The following ATP8A2 variants were observed in gnomAD, a reference collection of about 807,000 sequenced individuals.
ATP8A2 encodes the protein phospholipid-transporting ATPase IB.
ATP8A2 carries 100 observed loss-of-function variants against 165.6 expected under a neutral mutation model. The observed-to-expected ratio is 0.60, with a 90% CI of 0.51 to 0.71. The LOEUF is 0.71. Ranked by LOEUF, ATP8A2 falls within the 30% of genes least tolerant of loss-of-function variation. ATP8A2 has a pLI of 0.00. For synonymous variants in ATP8A2, 543 were observed against 548.8 expected (o/e 0.99, Z 0.15); for missense variants, 1,227 against 1,479.5 (o/e 0.83, Z 2.80).
chr13:25,733,614 C>T (rs2138103278), intron 25 of ATP8A2, among the ~76,000 whole-genome samples: 2 of 152,332 alleles, frequency 1.3e-5, no homozygotes, highest in Admixed American at 1.3e-4. Context: ...TTCTGCTCTT[C>T]ATGCTTTGTC....
chr13:25,643,207 T>C (rs1460151077), intron 24 of ATP8A2, among the ~76,000 whole-genome samples: 2 of 152,142 alleles, frequency 1.3e-5, no homozygotes, highest in Admixed American at 6.6e-5. Context: ...GAACTTAAAG[T>C]GTAATAATAA....
intron 22 of ATP8A2, 150 bp from the exon 23 acceptor site, chr13:25,581,669 C>T: frequency 1.3e-6 from 1 of 755,264 alleles, no homozygotes; most frequent in Non-Finnish European, 2.2e-6. Flanking sequence ...AAATGCCATC[C>T]ATCCAGATGC....
At chr13:25,519,140 CG>C (rs1474130649) in intron 2 of ATP8A2, among the ~76,000 whole-genome samples, 1 of 152,306 alleles carries the variant, frequency 6.6e-6, no homozygotes, top group East Asian at 1.9e-4. Context: ...TTTCTGCACT[CG>C]CTGTCCCCTC....
At chr13:25,397,649 G>A (rs1380902663) in intron 1 of ATP8A2, among the ~76,000 whole-genome samples, 1 of 152,188 alleles carries the variant, frequency 6.6e-6, no homozygotes, top group Non-Finnish European at 1.5e-5. Flanking sequence ...TAAAATATTT[G>A]AAAAGGTTTA....
At chr13:25,589,755 T>A in intron 24 of ATP8A2, 56 bp downstream of exon 24, 1 of 1,080,792 alleles carries the variant, frequency 9.3e-7, no homozygotes, top group Non-Finnish European at 1.4e-6. Context: ...AAACTCTTTC[T>A]TTCTACTATC....
chr13:25,775,759 T>C (rs1322817597), intron 27 of ATP8A2, among the ~76,000 whole-genome samples: 1 of 152,232 alleles, frequency 6.6e-6, no homozygotes, highest in East Asian at 1.9e-4. Context: ...TATGGTGTTT[T>C]AATGCTTCAT....
chr13:25,412,459 C>T (rs773959941), intron 1 of ATP8A2, among the ~76,000 whole-genome samples: 1 of 152,188 alleles, frequency 6.6e-6, no homozygotes, highest in African/African-American at 2.4e-5. Context: ...CATCTGTCTT[C>T]TATAGCCACA....
intron 24 of ATP8A2, among the ~76,000 whole-genome samples, chr13:25,641,738 A>G (rs1353811726): frequency 1.3e-5 from 2 of 152,032 alleles, no homozygotes; most frequent in Admixed American, 1.3e-4. Context: ...TTCTTCACAG[A>G]ATTGGAAAAA....
intron 30 of ATP8A2, among the ~76,000 whole-genome samples, chr13:25,843,226 G>A (rs1951785333): frequency 6.6e-6 from 1 of 152,160 alleles, no homozygotes; most frequent in Non-Finnish European, 1.5e-5. Context: ...AGGTGCACAG[G>A]ACCTGAGCTG....
At chr13:25,924,687 A>G (rs1566273675) in intron 33 of ATP8A2, among the ~76,000 whole-genome samples, 1 of 152,082 alleles carries the variant, frequency 6.6e-6, no homozygotes, top group Non-Finnish European at 1.5e-5. Context: ...TCATTGAGGT[A>G]TGATATGGTT....
intron 33 of ATP8A2, among the ~76,000 whole-genome samples, chr13:25,885,390 G>A (rs2138870296): frequency 6.6e-6 from 1 of 152,196 alleles, no homozygotes; most frequent in South Asian, 2.1e-4. Flanking sequence ...TGGGATTACA[G>A]GCATGAGCCA....
chr13:25,644,674 T>G (rs934783064), intron 24 of ATP8A2, among the ~76,000 whole-genome samples: 3 of 152,166 alleles, frequency 2.0e-5, no homozygotes, highest in African/African-American at 7.2e-5. Context: ...AGTGGAGCCA[T>G]CTAGCCTTGG....
At chr13:25,484,919 G>A (rs924917316) in intron 2 of ATP8A2, among the ~76,000 whole-genome samples, 11 of 152,188 alleles carry the variant, frequency 7.2e-5, no homozygotes, top group African/African-American at 1.4e-4. Flanking sequence ...TATGAAACAC[G>A]TTACCAAGCT....
intron 1 of ATP8A2, among the ~76,000 whole-genome samples, chr13:25,428,605 A>G (rs1213164220): frequency 1.3e-5 from 2 of 152,182 alleles, no homozygotes; most frequent in Non-Finnish European, 2.9e-5. Context: ...AGAGAAGGGC[A>G]TGTCTGACCT....
Position 25,529,999 on chromosome 13 carries a change from T to C in ATP8A2, c.222T>C (p.Ser74=). Residue 74 remains serine, a splice_region_variant and synonymous_variant, in exon 3 of 37, where the codon AGT becomes AGC. Coordinates refer to ENST00000381655, the MANE Select transcript of ATP8A2 (RefSeq NM_016529.6). The part of the protein sequence containing the change: ...HLNKFRDNQI[S]TAKYSVLTFL... ...GTATTATTTTTCTTTGCACTTACAG[T>C]ACGGCCAAGTACAGCGTGTTGACAT... 6.3e-7 allele frequency: 1 copy of C among 1,597,092 alleles called. No homozygotes were observed. The highest frequency in any genetic ancestry group is 8.6e-7 in the Non-Finnish European group (1 of 1,165,718).
intron 35 of ATP8A2, among the ~76,000 whole-genome samples, chr13:25,974,374 G>A (rs538321856): frequency 3.1e-4 from 47 of 152,278 alleles, no homozygotes; most frequent in Non-Finnish European, 6.0e-4. Context: ...GCATCGTCGG[G>A]GTGTGCCCCC....
intron 24 of ATP8A2, among the ~76,000 whole-genome samples, chr13:25,592,256 A>G (rs970010217): frequency 4.0e-5 from 6 of 150,038 alleles, no homozygotes; most frequent in Admixed American, 3.3e-4. Flanking sequence ...ACCTCCCTTT[A>G]GTCCCTTAGA....
chr13:25,827,564 A>G (rs569255217), intron 27 of ATP8A2, among the ~76,000 whole-genome samples: 2 of 152,202 alleles, frequency 1.3e-5, no homozygotes, highest in Non-Finnish European at 2.9e-5. Flanking sequence ...TTATTTATAC[A>G]TCTCTCATTA....
chr13:25,648,331 C>A (rs1371469827), intron 24 of ATP8A2, among the ~76,000 whole-genome samples: 1 of 152,148 alleles, frequency 6.6e-6, no homozygotes, highest in South Asian at 2.1e-4. Flanking sequence ...TCCTCTCCCC[C>A]ATGTATACCA....
Sources: gnomAD v4.1 joint callset for allele counts (sites outside exome capture counted in the v4.1 genomes callset) on GRCh38, gnomAD v4.1.1 for gene constraint, MANE v1.5 for transcripts, NCBI Gene and HGNC (gene_info 2026-07-23, HGNC 2026-07-21) for gene names.